The following UIMC1 variants were observed in gnomAD, a reference collection of about 807,000 sequenced individuals.
UIMC1 encodes the protein BRCA1-A complex subunit RAP80.
A neutral mutation model predicts 84.9 loss-of-function variants in UIMC1; 42 were observed. The ratio of observed to expected loss-of-function variants is 0.49; its 90% confidence interval spans 0.39 to 0.64. The LOEUF (loss-of-function observed/expected upper bound fraction) is 0.64. UIMC1 is among the 30% of genes least tolerant of loss of function. The pLI is 0.00. For synonymous variants in UIMC1, 281 were observed against 293.0 expected, an observed-to-expected ratio of 0.96 and a Z score of 0.42; for missense variants, 825 against 847.6, an observed-to-expected ratio of 0.97 and a Z score of 0.33.
At chr5:176,911,136 A>ATTC in intron 11 of UIMC1, among the ~76,000 whole-genome samples, 175 bp downstream of exon 11, 2 of 79,222 alleles carry the variant, frequency 2.5e-5, no homozygotes, top group African/African-American at 4.5e-5. Flanking sequence ...AAAAGAAAAG[A>ATTC]AAAGAAAAGA....
At chr5:176,969,749 A>T in intron 4 of UIMC1, 43 bp from the exon 5 acceptor site, 1 of 1,558,048 alleles carries the variant, frequency 6.4e-7, no homozygotes, top group Non-Finnish European at 8.8e-7. Flanking sequence ...TATTATTAAA[A>T]TAACTATATA....
chr5:176,968,939 GCC>G lies in UIMC1; in HGVS notation c.814_815del (p.Gly272HisfsTer13). ...GAATACCCCAGAAATAGTTCACAGTGCCCCCAGTGTCCTGGAGACCTTTGGCA... is the reference window on the plus strand; with the variant it reads ...GAATACCCCAGAAATAGTTCACAGTGCCCAGTGTCCTGGAGACCTTTGGCA... ...ADAKGLQDTG[G>X]TVNYFWGIPF... On this transcript the variant is annotated frameshift_variant, in exon 6 of 15. Coordinates refer to ENST00000511320, the MANE Select transcript of UIMC1 (RefSeq NM_001199298.2). LOFTEE classifies it high-confidence loss of function. The G allele has an allele frequency of 6.2e-7, 1 of 1,614,134 alleles. No individual in the cohort carries two copies. Among genetic ancestry groups the G allele is most frequent in the African/African-American group, 1.3e-5 (1 of 75,028 alleles).
chr5:176,992,022 T>G (rs146267926), intron 1 of UIMC1, among the ~76,000 whole-genome samples: 2 of 152,012 alleles, frequency 1.3e-5, no homozygotes, highest in Non-Finnish European at 2.9e-5. Context: ...CTTGAGAGGC[T>G]AAAGTGGCAT....
At chr5:176,920,270 C>T (rs1030302925) in intron 10 of UIMC1, among the ~76,000 whole-genome samples, 11 of 152,024 alleles carry the variant, frequency 7.2e-5, no homozygotes, top group Non-Finnish European at 1.5e-4. Flanking sequence ...TCAGGTGATC[C>T]GCCCACCTCA....
In UIMC1 at chr5:176,906,056, TAAA is replaced by T; in HGVS notation, c.1913-12_1913-10del. On this transcript the variant is annotated splice_polypyrimidine_tract_variant and intron_variant, in intron 13 of 14. Coordinates refer to ENST00000511320, the MANE Select transcript of UIMC1 (RefSeq NM_001199298.2). Reference sequence around the variant, plus strand: ...AGACTTGATGTCTGCATCTGTGATATAAAAGAAAAAATAATAATGTTGGTAGTA... The same window carrying T: ...AGACTTGATGTCTGCATCTGTGATATAGAAAAAATAATAATGTTGGTAGTA... 1.9e-6 allele frequency: 3 copies of T among 1,613,426 alleles called. No individual in the cohort carries two copies. Among genetic ancestry groups the T allele is most frequent in the Non-Finnish European group, 2.5e-6 (3 of 1,179,728 alleles).
chr5:176,935,447 C>T (rs984701092), intron 10 of UIMC1, among the ~76,000 whole-genome samples: 1 of 152,096 alleles, frequency 6.6e-6, no homozygotes, highest in African/African-American at 2.4e-5. Context: ...TCTTATCTAC[C>T]TAATTGAACT....
chr5:176,907,070 A>C, intron 13 of UIMC1, 44 bp downstream of exon 13: 1 of 1,596,338 alleles, frequency 6.3e-7, no homozygotes, highest in Non-Finnish European at 8.6e-7. Context: ...CTTCACTGAA[A>C]GGCCTTAGGC....
chr5:176,943,692 C>T (rs913931688), intron 9 of UIMC1, among the ~76,000 whole-genome samples: 3 of 152,168 alleles, frequency 2.0e-5, no homozygotes, highest in Admixed American at 1.3e-4. Flanking sequence ...GTATTAAACA[C>T]TCTACATGTA....
At chr5:177,003,387 G>T (rs989943964) in intron 1 of UIMC1, among the ~76,000 whole-genome samples, 1 of 152,204 alleles carries the variant, frequency 6.6e-6, no homozygotes, top group Non-Finnish European at 1.5e-5. Context: ...GGGCGCGGTG[G>T]TTCACGCCTG....
At chr5:176,983,495 G>A (rs997749919) in intron 1 of UIMC1, among the ~76,000 whole-genome samples, 248 of 152,188 alleles carry the variant, frequency 1.6e-3, no homozygotes, top group African/African-American at 5.7e-3. Context: ...TCGGCCTCCC[G>A]AGGTGCTGGG....
At chr5:176,924,546 G>A (rs1290339109) in intron 10 of UIMC1, among the ~76,000 whole-genome samples, 1 of 151,876 alleles carries the variant, frequency 6.6e-6, no homozygotes, top group African/African-American at 2.4e-5. Flanking sequence ...GCAACCCACT[G>A]AGAAAAAGAA....
intron 8 of UIMC1, among the ~76,000 whole-genome samples, chr5:176,953,534 T>C (rs1387276353): frequency 1.1e-5 from 1 of 89,166 alleles, no homozygotes; most frequent in South Asian, 3.8e-4. Flanking sequence ...ACACACACCT[T>C]ATTGGAAAAA....
intron 13 of UIMC1, among the ~76,000 whole-genome samples, chr5:176,906,883 C>T (rs1288058876): frequency 6.6e-6 from 1 of 152,194 alleles, no homozygotes; most frequent in Non-Finnish European, 1.5e-5. Flanking sequence ...GTTCAACAGG[C>T]TGTCCTGATC....
At chr5:176,960,425 T>C (rs1767202332) in intron 6 of UIMC1, among the ~76,000 whole-genome samples, 1 of 151,964 alleles carries the variant, frequency 6.6e-6, no homozygotes, top group African/African-American at 2.4e-5. Flanking sequence ...GATAGCAAAA[T>C]AAGCAAATAA....
At chr5:177,013,096 G>A (rs1477074014) in intron 1 of UIMC1, among the ~76,000 whole-genome samples, 5 of 149,998 alleles carry the variant, frequency 3.3e-5, no homozygotes, top group African/African-American at 1.2e-4. Context: ...AAAAAAAAGG[G>A]CCAGGCACAG....
intron 10 of UIMC1, among the ~76,000 whole-genome samples, chr5:176,916,200 T>C (rs1350294821): frequency 2.6e-5 from 4 of 152,180 alleles, no homozygotes; most frequent in African/African-American, 9.7e-5. Context: ...TTATGAAACA[T>C]ATATCCAAAA....
intron 1 of UIMC1, chr5:177,006,148 G>C (rs1019492678): frequency 6.6e-6 from 1 of 152,248 alleles, no homozygotes; most frequent in Non-Finnish European, 1.5e-5. Context: ...GCGCTCGCCC[G>C]ACGCCCGGGA....
intron 7 of UIMC1, 113 bp downstream of exon 7, chr5:176,957,980 A>C (rs1766821390): frequency 3.8e-5 from 34 of 899,096 alleles, no homozygotes; most frequent in Non-Finnish European, 5.6e-5. Context: ...TCACTTATAA[A>C]AGAGCTAAAA....
chr5:176,995,537 CA>C (rs57521139), intron 1 of UIMC1, among the ~76,000 whole-genome samples: 1,060 of 36,586 alleles, frequency 0.029, 4 homozygotes, highest in South Asian at 0.12. Context: ...ACTCTGTCTC[CA>C]AAAAAAAAAA....
Sources: gnomAD v4.1 joint callset for allele counts (sites outside exome capture counted in the v4.1 genomes callset) on GRCh38, gnomAD v4.1.1 for gene constraint, MANE v1.5 for transcripts, NCBI Gene and HGNC (gene_info 2026-07-23, HGNC 2026-07-21) for gene names.